Variants in TMTC2 observed in about 807,000 individuals in gnomAD.
TMTC2 encodes the protein transmembrane O-mannosyltransferase targeting cadherins 2.
Under a neutral mutation model 82.4 loss-of-function variants are expected in TMTC2, and 43 were observed. That is an observed-to-expected ratio of 0.52 (90% CI 0.41 to 0.67). TMTC2 has a LOEUF of 0.67. Among genes scored for constraint, TMTC2 ranks in the 30% least tolerant of loss-of-function variants. TMTC2 has a pLI of 0.00. For missense variants in TMTC2, 919 were observed against 1,012.4 expected, an observed-to-expected ratio of 0.91 and a Z score of 1.25; for synonymous variants, 408 against 381.9, an observed-to-expected ratio of 1.07 and a Z score of -0.80.
chr12:82,750,241 C>CTTT (rs11383480), intron 1 of TMTC2, among the ~76,000 whole-genome samples: 1 of 147,914 alleles, frequency 6.8e-6, no homozygotes, highest in Non-Finnish European at 1.5e-5. Flanking sequence ...AAAGTTTAAT[C>CTTT]TTTTTTTTTT....
chr12:82,965,846 A>G, intron 6 of TMTC2, 102 bp downstream of exon 6: 1 of 1,234,078 alleles, frequency 8.1e-7, no homozygotes, highest in South Asian at 1.2e-5. Context: ...CCTTTGAACA[A>G]CTAATATGTA....
At chr12:82,762,326 C>A (rs1343331292) in intron 1 of TMTC2, among the ~76,000 whole-genome samples, 2 of 152,058 alleles carry the variant, frequency 1.3e-5, no homozygotes, top group African/African-American at 4.8e-5. Context: ...GGCATCATGT[C>A]TCCTCCTTAA....
chr12:82,934,497 G>A (rs910910490), intron 4 of TMTC2, among the ~76,000 whole-genome samples: 1 of 151,730 alleles, frequency 6.6e-6, no homozygotes, highest in African/African-American at 2.4e-5. Flanking sequence ...TTCTGTTCCT[G>A]TGTTGGTTTG....
intron 1 of TMTC2, among the ~76,000 whole-genome samples, chr12:82,840,245 T>A (rs931924609): frequency 6.6e-6 from 1 of 152,180 alleles, no homozygotes; most frequent in Non-Finnish European, 1.5e-5. Flanking sequence ...AAAACTTGAA[T>A]CCTAACAGCT....
chr12:82,831,535 G>A (rs1392674842), intron 1 of TMTC2, among the ~76,000 whole-genome samples: 2 of 152,164 alleles, frequency 1.3e-5, no homozygotes, highest in African/African-American at 4.8e-5. Context: ...CTTTAGCAAA[G>A]GGGAATGGGA....
intron 3 of TMTC2, among the ~76,000 whole-genome samples, chr12:82,924,497 T>C (rs112577658): frequency 1.1e-3 from 160 of 152,296 alleles, no homozygotes; most frequent in African/African-American, 3.5e-3. Flanking sequence ...TGTGTATAAT[T>C]GTGTGTGTAC....
chr12:82,947,482 A>G (rs3901655), intron 4 of TMTC2, among the ~76,000 whole-genome samples: 136,742 of 150,574 alleles, frequency 0.91, 62,271 homozygotes, highest in East Asian at 1. Context: ...AGCTGGGACT[A>G]CAGGCGCCCG....
At chr12:82,911,513 C>G (rs1874656346) in intron 3 of TMTC2, among the ~76,000 whole-genome samples, 1 of 152,138 alleles carries the variant, frequency 6.6e-6, no homozygotes. Flanking sequence ...TGTGCTTGCT[C>G]AAAATGAAAT....
intron 1 of TMTC2, among the ~76,000 whole-genome samples, chr12:82,798,149 G>T (rs1387324502): frequency 1.3e-5 from 2 of 150,580 alleles, no homozygotes; most frequent in African/African-American, 4.8e-5. Context: ...TAGAGACGGG[G>T]TTTCACCGTG....
intron 4 of TMTC2, among the ~76,000 whole-genome samples, chr12:82,959,124 G>A (rs1877776187): frequency 6.6e-6 from 1 of 152,028 alleles, no homozygotes; most frequent in Non-Finnish European, 1.5e-5. Context: ...TAACCAAGGA[G>A]GTGAAAGTTC....
At chr12:83,048,910 C>T (rs941454555) in intron 9 of TMTC2, among the ~76,000 whole-genome samples, 1 of 152,202 alleles carries the variant, frequency 6.6e-6, no homozygotes, top group Non-Finnish European at 1.5e-5. Context: ...CTCTGGTGAT[C>T]CACCTGCCTT....
rs1190754439 is a variant in TMTC2 at position 83,132,367 on chromosome 12, G to A, written c.2489G>A (p.Gly830Asp). ...RKLWNIMEKQ[G>D]LKTSKT ...CTGTGGAACATCATGGAAAAACAAG[G>A]CTTAAAGACTTCTAAGACCTGACAC... The change falls in exon 12 of 12, where the codon GGC (glycine) becomes GAC (aspartate). Residue 830 changes from glycine to aspartate, a missense_variant. Physicochemically the swap from Gly to Asp is moderately conservative, Grantham distance 94. Coordinates refer to ENST00000321196, the MANE Select transcript of TMTC2 (RefSeq NM_152588.3). 4 of 1,613,842 alleles carry A rather than the reference G, an allele frequency of 2.5e-6. No homozygotes were observed. In the African/African-American group the frequency reaches 4.0e-5, roughly 16 times the overall value.
At chr12:82,931,539 G>A (rs1472236555) in intron 4 of TMTC2, among the ~76,000 whole-genome samples, 1 of 152,118 alleles carries the variant, frequency 6.6e-6, no homozygotes, top group Non-Finnish European at 1.5e-5. Context: ...TTGTTTATAA[G>A]TAACAGAAAT....
intron 11 of TMTC2, among the ~76,000 whole-genome samples, chr12:83,091,224 T>A (rs1217962499): frequency 2.6e-5 from 4 of 152,144 alleles, no homozygotes; most frequent in African/African-American, 9.7e-5. Context: ...TGGTGAAGCA[T>A]AACCAAAGAT....
intron 1 of TMTC2, among the ~76,000 whole-genome samples, chr12:82,796,747 G>A (rs1162963203): frequency 6.6e-6 from 1 of 152,068 alleles, no homozygotes; most frequent in Non-Finnish European, 1.5e-5. Context: ...AAGCAGAGTG[G>A]TCTAAAGACC....
At chr12:82,742,491 G>A (rs939256090) in intron 1 of TMTC2, among the ~76,000 whole-genome samples, 1 of 151,610 alleles carries the variant, frequency 6.6e-6, no homozygotes, top group Non-Finnish European at 1.5e-5. Context: ...CTGTCTAAAC[G>A]AGATGACTTC....
chr12:83,029,785 A>G (rs916071290), intron 8 of TMTC2, among the ~76,000 whole-genome samples: 5 of 152,170 alleles, frequency 3.3e-5, no homozygotes, highest in African/African-American at 1.2e-4. Context: ...GGCAATAACT[A>G]GGTGAAGAAT....
chr12:83,064,851 AC>A (rs1882862762), intron 11 of TMTC2, among the ~76,000 whole-genome samples: 1 of 151,956 alleles, frequency 6.6e-6, no homozygotes, highest in African/African-American at 2.4e-5. Flanking sequence ...TTCATAAAAA[AC>A]ATTCTTTGTT....
intron 1 of TMTC2, among the ~76,000 whole-genome samples, chr12:82,855,171 A>G (rs1871195922): frequency 6.6e-6 from 1 of 152,232 alleles, no homozygotes; most frequent in African/African-American, 2.4e-5. Flanking sequence ...GAAGCAGTTG[A>G]AAACTATCAT....
Sources: allele counts gnomAD v4.1 joint callset (sites outside exome capture counted in the v4.1 genomes callset), GRCh38; gene constraint gnomAD v4.1.1; transcripts MANE v1.5; gene names NCBI Gene and HGNC (gene_info 2026-07-23, HGNC 2026-07-21).